SGPP2: variants seen among roughly 807,000 people sequenced by gnomAD.
The protein encoded by SGPP2 is sphingosine 1-phosphate phosphohydrolase 2.
Under a neutral mutation model 33.9 loss-of-function variants are expected in SGPP2, and 30 were observed. The observed-to-expected ratio is 0.89, with a 90% CI of 0.66 to 1.20. The LOEUF is 1.20. Ranked by LOEUF, SGPP2 falls within the 50% of genes most tolerant of loss-of-function variation. SGPP2 has a pLI of 0.00. For missense variants in SGPP2, 458 were observed against 532.1 expected (o/e 0.86, Z 1.37); for synonymous variants, 233 against 225.0 (o/e 1.04, Z -0.32).
In SGPP2 at chr2:222,479,399, CTTTTTTTT is replaced by C. The variant is rs568165167; in HGVS notation, c.378+4687_378+4694del. On this transcript the variant is annotated intron_variant, in intron 2 of 4. Transcript: ENST00000321276. Reference sequence around the variant, plus strand: ...GCTTGACTGTTTCTTATCTACCCTTCTTTTTTTTTTTTTTTTTTTTTGAGACAGAGTAT... The same window carrying C: ...GCTTGACTGTTTCTTATCTACCCTTCTTTTTTTTTTTTTGAGACAGAGTAT... 5.2e-5 allele frequency among the ~76,000 whole-genome samples: 6 copies of C among 114,884 alleles called. No individual in the cohort carries two copies. The East Asian group carries it at 9.9e-4, about 19-fold the overall frequency. The allele number at this position is 114,884 out of a possible 152,430, so 75.4% of individuals were successfully genotyped here.
At chr2:222,450,080 A>G (rs1410726685) in intron 1 of SGPP2, among the ~76,000 whole-genome samples, 1 of 152,256 alleles carries the variant, frequency 6.6e-6, no homozygotes, top group Non-Finnish European at 1.5e-5. Context: ...TCTAAAAGGA[A>G]TCATCCACTT....
intron 2 of SGPP2, among the ~76,000 whole-genome samples, chr2:222,490,049 T>C (rs2106109592): frequency 6.6e-6 from 1 of 152,310 alleles, no homozygotes; most frequent in Middle Eastern, 3.4e-3. Context: ...GTTTAAAACA[T>C]TTCAGCTACC....
chr2:222,432,913 C>A lies in SGPP2; in HGVS notation c.219+8092C>A, dbSNP rs562431224. Among the ~76,000 whole-genome samples the A allele has an allele frequency of 4.6e-5, 7 of 152,068 alleles. No individual in the cohort carries two copies. In the East Asian group the frequency reaches 1.4e-3, roughly 29 times the overall value. ...GCACATACCTGTAATCCCAGCTACT[C>A]GGGAGGCTGAGGCAGGAGAATCGCT... is the stretch of plus-strand genomic sequence containing the variant. On this transcript the variant is annotated intron_variant, in intron 1 of 4. Transcript: ENST00000321276.
At chr2:222,515,996 C>T (rs1698599217) in intron 2 of SGPP2, among the ~76,000 whole-genome samples, 1 of 152,108 alleles carries the variant, frequency 6.6e-6, no homozygotes, top group Admixed American at 6.5e-5. Flanking sequence ...TGCAGTGAGC[C>T]AAGATTATGC....
intron 4 of SGPP2, among the ~76,000 whole-genome samples, chr2:222,533,753 C>A (rs1274584229): frequency 4.6e-5 from 7 of 151,908 alleles, no homozygotes; most frequent in Admixed American, 1.3e-4. Flanking sequence ...TCTCGGTCTG[C>A]CATCCTCCCT....
intron 1 of SGPP2, among the ~76,000 whole-genome samples, chr2:222,428,078 C>T (rs1198067871): frequency 6.6e-6 from 1 of 152,242 alleles, no homozygotes. Context: ...AAACTTCTTT[C>T]CTCTGTGCAG....
intron 2 of SGPP2, among the ~76,000 whole-genome samples, chr2:222,516,910 A>G (rs1414909777): frequency 1.3e-5 from 2 of 152,228 alleles, no homozygotes; most frequent in African/African-American, 4.8e-5. Context: ...TTCTCCTAAC[A>G]AATCTAGGAG....
chr2:222,528,994 A>G (rs1305058245), intron 4 of SGPP2, among the ~76,000 whole-genome samples: 7 of 152,214 alleles, frequency 4.6e-5, no homozygotes, highest in Non-Finnish European at 1.0e-4. Flanking sequence ...TAGAATGCCA[A>G]TGCTGTTTTT....
At chr2:222,463,018 T>A (rs1242043795) in intron 1 of SGPP2, among the ~76,000 whole-genome samples, 1 of 152,214 alleles carries the variant, frequency 6.6e-6, no homozygotes, top group Non-Finnish European at 1.5e-5. Flanking sequence ...TTAAACTTCC[T>A]CAGCGACAGC....
rs1344544116 is a variant in SGPP2, at chr2:222,465,577, A to C, written c.220-8991A>C. 1.3e-5 allele frequency among the ~76,000 whole-genome samples: 2 copies of C among 152,210 alleles called. No homozygotes were observed. Among genetic ancestry groups the C allele is most frequent in the Non-Finnish European group, 2.9e-5 (2 of 68,040 alleles). ...AACTGGGAATTAATGATATTTTCTCACCAAGTTTAAGAAATCAAAAAACAA... is the reference window on the plus strand; with the variant it reads ...AACTGGGAATTAATGATATTTTCTCCCCAAGTTTAAGAAATCAAAAAACAA... On this transcript the variant is annotated intron_variant, in intron 1 of 4. Coordinates refer to ENST00000321276, the MANE Select transcript of SGPP2 (RefSeq NM_152386.4). This position sits in a 1 kb window ranked among gnomAD's most constrained non-coding sequence, Gnocchi z 4.1.
chr2:222,524,869 A>T, intron 3 of SGPP2, 75 bp from the exon 4 acceptor site: 1 of 1,169,504 alleles, frequency 8.6e-7, no homozygotes, highest in Non-Finnish European at 1.3e-6. Context: ...AATGAATCCT[A>T]TTCCCACCTA....
intron 1 of SGPP2, among the ~76,000 whole-genome samples, chr2:222,442,077 A>G (rs1444548086): frequency 6.6e-6 from 1 of 152,234 alleles, no homozygotes; most frequent in Non-Finnish European, 1.5e-5. Context: ...GGAATTTCTT[A>G]ATGCACTGAA....
intron 4 of SGPP2, among the ~76,000 whole-genome samples, chr2:222,546,849 TGCCAGAA>T (rs996279771): frequency 7.6e-6 from 1 of 132,194 alleles, no homozygotes; most frequent in Non-Finnish European, 1.6e-5. Context: ...AAAAAGAACA[TGCCAGAA>T]GCTCTGATGT....
chr2:222,503,561 C>CT (rs938995188), intron 2 of SGPP2, among the ~76,000 whole-genome samples: 20 of 151,966 alleles, frequency 1.3e-4, no homozygotes, highest in Middle Eastern at 3.4e-3. Context: ...GGCCATCATG[C>CT]TTTTTTTTCA....
At chr2:222,544,631 A>T (rs1260284426) in intron 4 of SGPP2, among the ~76,000 whole-genome samples, 1 of 152,192 alleles carries the variant, frequency 6.6e-6, no homozygotes, top group Non-Finnish European at 1.5e-5. Flanking sequence ...TGACAAGAAA[A>T]AAAGTCTGTA....
chr2:222,520,503 G>A (rs967451590), intron 2 of SGPP2, among the ~76,000 whole-genome samples: 7 of 152,064 alleles, frequency 4.6e-5, no homozygotes, highest in Non-Finnish European at 7.3e-5. Context: ...GGCCGAGGCC[G>A]GCAGATCTTC....
At chr2:222,554,831 T>C (rs773362910) in intron 4 of SGPP2, among the ~76,000 whole-genome samples, 24 of 152,234 alleles carry the variant, frequency 1.6e-4, no homozygotes, top group Non-Finnish European at 3.4e-4. Context: ...TTAGTTTTTC[T>C]TTACGTGTCT....
At chr2:222,438,945 C>A (rs566490092) in intron 1 of SGPP2, among the ~76,000 whole-genome samples, 8 of 152,304 alleles carry the variant, frequency 5.3e-5, no homozygotes, top group East Asian at 1.9e-4. Context: ...GGGGTTCTGC[C>A]GGCTGCTAAG....
chr2:222,543,393 C>T lies in SGPP2; in HGVS notation c.649-14954C>T, dbSNP rs1404504854. Among the ~76,000 whole-genome samples, 4 of 152,144 alleles carry T rather than the reference C, an allele frequency of 2.6e-5. No individual in the cohort carries two copies. In the East Asian group the frequency reaches 7.7e-4, roughly 29 times the overall value. Reference sequence around the variant, plus strand: ...CCCTGTTATCCTCAGGGTATGCATTCCAAGACCCTCAAAGGATGTCTGAAA... The same window carrying T: ...CCCTGTTATCCTCAGGGTATGCATTTCAAGACCCTCAAAGGATGTCTGAAA... On this transcript the variant is annotated intron_variant, in intron 4 of 4. Transcript: ENST00000321276.
Sources: allele counts gnomAD v4.1 joint callset (sites outside exome capture counted in the v4.1 genomes callset), GRCh38; gene constraint gnomAD v4.1.1; non-coding constraint Gnocchi (gnomAD v3.1); transcripts MANE v1.5; gene names NCBI Gene and HGNC (gene_info 2026-07-23, HGNC 2026-07-21).